The following USP45 variants were observed in gnomAD, a reference collection of about 807,000 sequenced individuals.
The protein encoded by USP45 is ubiquitin carboxyl-terminal hydrolase 45.
USP45 carries 89 observed loss-of-function variants against 95.8 expected under a neutral mutation model. The ratio of observed to expected loss-of-function variants is 0.93; its 90% CI spans 0.78 to 1.11. The LOEUF (loss-of-function observed/expected upper bound fraction) is 1.11. Among genes scored for constraint, USP45 ranks in the 50% least tolerant of loss-of-function variants. The pLI, the probability that USP45 is intolerant of heterozygous loss-of-function variation, is 0.00. For missense variants in USP45, 898 were observed against 942.5 expected (o/e 0.95, Z 0.62); for synonymous variants, 281 against 316.2 (o/e 0.89, Z 1.18).
chr6:99,508,870 T>G, intron 2 of USP45, 88 bp from the exon 3 acceptor site: 2 of 1,191,764 alleles, frequency 1.7e-6, no homozygotes, highest in Non-Finnish European at 2.3e-6. Flanking sequence ...TATTAAATGC[T>G]GTTAACTAAA....
intron 12 of USP45, 107 bp downstream of exon 12, chr6:99,464,973 A>G: frequency 9.7e-7 from 1 of 1,029,904 alleles, no homozygotes; most frequent in Non-Finnish European, 1.4e-6. Context: ...TCAATTATAT[A>G]TAAAAAATAA....
At chr6:99,451,758 C>T (rs1379011626) in intron 13 of USP45, among the ~76,000 whole-genome samples, 1 of 152,210 alleles carries the variant, frequency 6.6e-6, no homozygotes, top group Non-Finnish European at 1.5e-5. Flanking sequence ...CTGGAGGCAT[C>T]AGGCTACCTG....
intron 9 of USP45, among the ~76,000 whole-genome samples, chr6:99,469,664 G>T (rs1788906837): frequency 6.6e-6 from 1 of 151,204 alleles, no homozygotes; most frequent in African/African-American, 2.4e-5. Flanking sequence ...AAATTTTTTT[G>T]TAGAGATGGG....
At chr6:99,440,485 T>C (rs1781318532) in intron 15 of USP45, among the ~76,000 whole-genome samples, 1 of 152,162 alleles carries the variant, frequency 6.6e-6, no homozygotes, top group Admixed American at 6.5e-5. Flanking sequence ...GCTAATAAAA[T>C]ATCAAAGGTA....
chr6:99,488,698 A>G lies in USP45; in HGVS notation c.601T>C (p.Phe201Leu). 6.2e-7 allele frequency: 1 copy of G among 1,600,696 alleles called. No homozygotes were observed. ...ACTCTTACCTGCATGACTGCATTAA[A>G]AAAGCAAGTATTTCCTAAATTTGTA... ...GITNLGNTCF[F>L]NAVMQNLAQT... Residue 201 changes from phenylalanine (F) to leucine (L), a missense_variant, in exon 6 of 18, where the codon TTT (phenylalanine) becomes CTT (leucine). Coordinates refer to ENST00000500704, the MANE Select transcript of USP45 (RefSeq NM_001346022.3).
chr6:99,511,488 GC>G (rs1799782313), intron 1 of USP45, among the ~76,000 whole-genome samples: 1 of 151,332 alleles, frequency 6.6e-6, no homozygotes, highest in African/African-American at 2.4e-5. Context: ...CACTCTGATG[GC>G]CCAGGCTGGA....
intron 13 of USP45, among the ~76,000 whole-genome samples, chr6:99,459,167 G>C (rs1785772438): frequency 6.6e-6 from 1 of 152,058 alleles, no homozygotes; most frequent in Non-Finnish European, 1.5e-5. Flanking sequence ...GTAGGCCCCA[G>C]TGTCTTTGTT....
At chr6:99,456,278 G>T (rs1373942303) in intron 13 of USP45, among the ~76,000 whole-genome samples, 1 of 151,958 alleles carries the variant, frequency 6.6e-6, no homozygotes, top group Admixed American at 6.6e-5. Context: ...AGAGTTAGAA[G>T]GAATAGTTCT....
chr6:99,496,973 G>C (rs1796434620), intron 5 of USP45, among the ~76,000 whole-genome samples: 1 of 152,076 alleles, frequency 6.6e-6, no homozygotes, highest in African/African-American at 2.4e-5. Context: ...TTCACTCTTG[G>C]CAGTGTACAT....
intron 15 of USP45, among the ~76,000 whole-genome samples, chr6:99,441,965 A>G (rs1291743388): frequency 6.6e-6 from 1 of 152,188 alleles, no homozygotes; most frequent in Non-Finnish European, 1.5e-5. Context: ...TAAAGCTACC[A>G]TAGAGAAGGC....
chr6:99,509,517 C>A (rs1017919791), intron 2 of USP45, among the ~76,000 whole-genome samples: 8 of 151,756 alleles, frequency 5.3e-5, no homozygotes, highest in African/African-American at 1.9e-4. Context: ...TGAGGAAAAT[C>A]CTCAGAGGCC....
intron 13 of USP45, among the ~76,000 whole-genome samples, chr6:99,446,983 A>G (rs138536158): frequency 7.9e-5 from 12 of 152,302 alleles, no homozygotes; most frequent in Non-Finnish European, 1.5e-4. Flanking sequence ...ACCTCAAGCA[A>G]TCCTCCCACC....
intron 5 of USP45, among the ~76,000 whole-genome samples, chr6:99,492,053 A>G (rs1795290118): frequency 6.6e-6 from 1 of 152,264 alleles, no homozygotes; most frequent in Admixed American, 6.5e-5. Flanking sequence ...TTTAAAAACC[A>G]TAATATGCAA....
intron 6 of USP45, 63 bp downstream of exon 6, chr6:99,488,618 G>C: frequency 6.7e-7 from 1 of 1,496,834 alleles, no homozygotes; most frequent in Admixed American, 2.2e-5. Flanking sequence ...CTACAGGTGA[G>C]CCAATGACTA....
chr6:99,470,299 A>C (rs907974462), intron 9 of USP45, among the ~76,000 whole-genome samples: 16 of 152,038 alleles, frequency 1.1e-4, no homozygotes, highest in Non-Finnish European at 1.9e-4. Flanking sequence ...AGCAGAAGAC[A>C]CTCATGACCC....
chr6:99,516,314 T>C (rs925588706), upstream of USP45, among the ~76,000 whole-genome samples: 27 of 152,354 alleles, frequency 1.8e-4, no homozygotes, highest in African/African-American at 5.5e-4. Flanking sequence ...GTTTCAATCA[T>C]GGATATTGCA....
At chr6:99,488,582 G>A in intron 6 of USP45, 99 bp downstream of exon 6, 1 of 1,296,192 alleles carries the variant, frequency 7.7e-7, no homozygotes, top group South Asian at 1.4e-5. Context: ...AATTTCTAGA[G>A]GAACATTTAG....
intron 9 of USP45, among the ~76,000 whole-genome samples, chr6:99,470,976 A>G (rs1411107100): frequency 6.6e-6 from 1 of 152,182 alleles, no homozygotes; most frequent in Non-Finnish European, 1.5e-5. Flanking sequence ...AAACTTTGCT[A>G]TATATCCTGA....
intron 13 of USP45, chr6:99,460,989 G>C (rs1786305845): frequency 1.0e-6 from 1 of 985,156 alleles, no homozygotes; most frequent in Admixed American, 6.2e-5. Flanking sequence ...GAGTCTCAAA[G>C]AGCTTAATTG....
Sources: allele counts gnomAD v4.1 joint callset (sites outside exome capture counted in the v4.1 genomes callset), GRCh38; gene constraint gnomAD v4.1.1; transcripts MANE v1.5; gene names NCBI Gene and HGNC (gene_info 2026-07-23, HGNC 2026-07-21).